Variants in TACC2 observed in about 807,000 individuals in gnomAD.
TACC2 encodes the protein transforming acidic coiled-coil-containing protein 2.
In TACC2, 137 loss-of-function variants were observed where a neutral mutation model predicts 227.3. The observed-to-expected ratio is 0.60, with a 90% CI of 0.52 to 0.69. The LOEUF (loss-of-function observed/expected upper bound fraction) is 0.69. TACC2 is among the 30% of genes least tolerant of loss of function. TACC2 has a pLI of 0.00. For synonymous variants in TACC2, 1,523 were observed against 1,487.5 expected, an observed-to-expected ratio of 1.02 and a Z score of -0.55; for missense variants, 3,470 against 3,694.4, an observed-to-expected ratio of 0.94 and a Z score of 1.57.
At chr10:122,058,054 G>C (rs527882305) in intron 3 of TACC2, among the ~76,000 whole-genome samples, 1 of 152,324 alleles carries the variant, frequency 6.6e-6, no homozygotes, top group Non-Finnish European at 1.5e-5. Flanking sequence ...TTCCACACAA[G>C]AGACCACCCA....
chr10:122,103,409 C>T (rs759377031), intron 5 of TACC2, among the ~76,000 whole-genome samples: 7 of 152,218 alleles, frequency 4.6e-5, no homozygotes, highest in Admixed American at 2.0e-4. Flanking sequence ...TGCATAGGCT[C>T]ATTAAGAGAA....
intron 11 of TACC2, among the ~76,000 whole-genome samples, chr10:122,223,501 A>G (rs536097830): frequency 6.6e-6 from 1 of 152,290 alleles, no homozygotes; most frequent in Non-Finnish European, 1.5e-5. Context: ...GCCTTTAATC[A>G]CAAAACTGTC....
chr10:122,159,852 T>G (rs1294825389), intron 7 of TACC2, among the ~76,000 whole-genome samples: 2 of 152,118 alleles, frequency 1.3e-5, no homozygotes, highest in South Asian at 4.1e-4. Flanking sequence ...ATTGGTGGTG[T>G]TTGGAGAGTC....
chr10:122,117,615 CT>C (rs2084943604), intron 5 of TACC2, among the ~76,000 whole-genome samples: 1 of 152,338 alleles, frequency 6.6e-6, no homozygotes, highest in South Asian at 2.1e-4. Flanking sequence ...GAGAAAGCAG[CT>C]GCCCCATTGG....
At chr10:122,236,952 C>T (rs886896636) in intron 16 of TACC2, among the ~76,000 whole-genome samples, 1 of 152,194 alleles carries the variant, frequency 6.6e-6, no homozygotes, top group Non-Finnish European at 1.5e-5. Flanking sequence ...AACAGTCTTA[C>T]AAAAGTGATC....
At chr10:122,069,528 C>T (rs1396716255) in intron 3 of TACC2, among the ~76,000 whole-genome samples, 1 of 152,192 alleles carries the variant, frequency 6.6e-6, no homozygotes, top group African/African-American at 2.4e-5. Flanking sequence ...AGGTGTGAGC[C>T]ACTGCGCCTG....
intron 7 of TACC2, among the ~76,000 whole-genome samples, chr10:122,156,932 G>A (rs2092524191): frequency 6.6e-6 from 1 of 151,886 alleles, no homozygotes; most frequent in African/African-American, 2.4e-5. Flanking sequence ...GCAACATAGT[G>A]AGACCACATC....
chr10:122,230,323 G>A (rs753319799), intron 15 of TACC2, 28 bp from the exon 16 acceptor site: 1 of 1,587,428 alleles, frequency 6.3e-7, no homozygotes. Context: ...GCATTTCCCT[G>A]CGGTTTGCCC....
intron 5 of TACC2, among the ~76,000 whole-genome samples, chr10:122,130,904 G>A (rs2087935846): frequency 6.6e-6 from 1 of 152,164 alleles, no homozygotes; most frequent in African/African-American, 2.4e-5. Flanking sequence ...CCACACCACA[G>A]AGTTTTCCAC....
intron 7 of TACC2, among the ~76,000 whole-genome samples, chr10:122,179,226 T>C (rs990329455): frequency 6.6e-6 from 1 of 152,216 alleles, no homozygotes; most frequent in African/African-American, 2.4e-5. Context: ...ACCTTGAGAC[T>C]GTGATGCTTA....
At chr10:122,155,414 T>C (rs2092397117) in intron 7 of TACC2, among the ~76,000 whole-genome samples, 1 of 152,234 alleles carries the variant, frequency 6.6e-6, no homozygotes, top group Non-Finnish European at 1.5e-5. Flanking sequence ...TCAAAGCAAA[T>C]GCGACATCAA....
chr10:122,150,803 C>T lies in TACC2; in HGVS notation c.5834+7097C>T, dbSNP rs2139472440. On this transcript the variant is annotated intron_variant, in intron 7 of 22. Transcript: ENST00000369005. The surrounding 1 kb of genome is among the most constrained non-coding windows in gnomAD (Gnocchi z 4.0). ...AGTCTAGGTGGAGTCATGCAGCGTT[C>T]CTGGGTCCTTTCTTCTGCTTTGTTT... Among the ~76,000 whole-genome samples, 1 of 152,346 alleles carries T rather than the reference C, an allele frequency of 6.6e-6. No homozygotes were observed. The highest frequency in any genetic ancestry group is 2.1e-4 in the South Asian group (1 of 4,828).
chr10:122,086,225 G>A lies in TACC2; in HGVS notation c.3725G>A (p.Ser1242Asn). ...GACACCCCTTACCTGCATGTCGACA[G>A]TGCTGCCCAGAGAGGAGCAGAAGAC... ...APDTPYLHVD[S>N]AAQRGAEDSG... is the part of the protein sequence containing the mutation. The change falls in exon 4 of 23, where the codon AGT becomes AAT. Residue 1242 changes from serine (S) to asparagine (N), a missense_variant. Ser to Asn is a conservative substitution (Grantham distance 46, BLOSUM62 1). Transcript: ENST00000369005. The A allele has an allele frequency of 1.2e-6, 2 of 1,613,924 alleles. No homozygotes were observed. The highest frequency in any genetic ancestry group is 1.7e-5 in the Admixed American group (1 of 60,032).
chr10:122,164,814 G>A (rs974538899), intron 7 of TACC2, among the ~76,000 whole-genome samples: 6 of 152,180 alleles, frequency 3.9e-5, no homozygotes, highest in East Asian at 1.9e-4. Flanking sequence ...CCAGAGAGAA[G>A]ACTATGTTTC....
chr10:122,013,188 A>G (rs990050154), intron 1 of TACC2, among the ~76,000 whole-genome samples: 18 of 152,144 alleles, frequency 1.2e-4, no homozygotes, highest in African/African-American at 3.4e-4. Flanking sequence ...ATATTCTACA[A>G]GATTGGAATT....
Position 122,132,713 on chromosome 10 carries a change from C to G in TACC2, c.5678C>G (p.Ser1893Cys), listed in dbSNP as rs779085099. The stretch of plus-strand genomic sequence containing the variant: ...CACGGTGATGTTGTTGGCCAGGTCT[C>G]TACGGATCTGATAGCCCAGAGGTAC... ...SYHGDVVGQV[S>C]TDLIAQSISP... Residue 1893 changes from serine (S) to cysteine (C), a missense_variant, in exon 6 of 23, where the codon TCT becomes TGT. Physicochemically the swap from Ser to Cys is moderately radical, Grantham distance 112. This residue lies in a region of TACC2 where 1,924 missense variants were observed against 1,978.3 expected (regional missense o/e 0.97). Transcript: ENST00000369005. 1 of 1,614,196 alleles carries G rather than the reference C, an allele frequency of 6.2e-7. No individual in the cohort carries two copies. The highest frequency in any genetic ancestry group is 8.5e-7 in the Non-Finnish European group (1 of 1,180,026).
chr10:122,113,684 C>T (rs528846204), intron 5 of TACC2, among the ~76,000 whole-genome samples: 4 of 152,354 alleles, frequency 2.6e-5, no homozygotes, highest in South Asian at 4.1e-4. Context: ...GGGGCATCCC[C>T]GGCGGGCCAC....
chr10:122,181,792 C>G (rs1332841235), intron 7 of TACC2, among the ~76,000 whole-genome samples: 2 of 152,174 alleles, frequency 1.3e-5, no homozygotes, highest in African/African-American at 4.8e-5. Context: ...AGTGTGAAAA[C>G]ATCGGAAGCA....
intron 3 of TACC2, among the ~76,000 whole-genome samples, chr10:122,062,855 G>A (rs999045001): frequency 1.3e-5 from 2 of 152,192 alleles, no homozygotes; most frequent in Admixed American, 1.3e-4. Flanking sequence ...TCTGCTGCAG[G>A]CTGGGCATTG....
Sources: gnomAD v4.1 joint callset for allele counts (sites outside exome capture counted in the v4.1 genomes callset) on GRCh38, gnomAD v4.1.1 for gene constraint, gnomAD v4.1.1 regional missense constraint, Gnocchi (gnomAD v3.1) non-coding constraint, MANE v1.5 for transcripts, NCBI Gene and HGNC (gene_info 2026-07-23, HGNC 2026-07-21) for gene names.